ARHGAP22: variants seen among roughly 807,000 people sequenced by gnomAD.
ARHGAP22 encodes Rho GTPase activating protein 22.
A neutral mutation model predicts 59.1 loss-of-function variants in ARHGAP22; 48 were observed. The observed-to-expected ratio is 0.81, with a 90% CI of 0.64 to 1.03. ARHGAP22 has a LOEUF of 1.03. Among genes scored for constraint, ARHGAP22 ranks in the 50% least tolerant of loss-of-function variants. The pLI is 0.00. For missense variants in ARHGAP22, 1,015 were observed against 958.7 expected (o/e 1.06, Z -0.78); for synonymous variants, 445 against 416.4 (o/e 1.07, Z -0.84).
intron 3 of ARHGAP22, among the ~76,000 whole-genome samples, chr10:48,540,061 G>A (rs2055781433): frequency 6.6e-6 from 1 of 152,210 alleles, no homozygotes; most frequent in Non-Finnish European, 1.5e-5. Flanking sequence ...AGCCGTGATT[G>A]AAACTCAGAC....
intron 1 of ARHGAP22, among the ~76,000 whole-genome samples, chr10:48,640,738 T>C (rs1312981967): frequency 1.3e-5 from 2 of 152,210 alleles, no homozygotes; most frequent in Non-Finnish European, 2.9e-5. Context: ...TTTTTTAAGC[T>C]GAAAGGAATT....
At chr10:48,597,460 G>A (rs1196416001) in intron 1 of ARHGAP22, among the ~76,000 whole-genome samples, 8 of 152,190 alleles carry the variant, frequency 5.3e-5, no homozygotes, top group Non-Finnish European at 1.2e-4. Context: ...AAGATGCACA[G>A]GATTCTGAGT....
At chr10:48,469,950 G>A (rs925355525) in intron 4 of ARHGAP22, among the ~76,000 whole-genome samples, 3 of 152,172 alleles carry the variant, frequency 2.0e-5, no homozygotes, top group African/African-American at 7.2e-5. Context: ...CTTATTTGTG[G>A]TCTGGACAAA....
chr10:48,621,549 C>T (rs929276097), intron 1 of ARHGAP22, among the ~76,000 whole-genome samples: 3 of 152,174 alleles, frequency 2.0e-5, no homozygotes, highest in Admixed American at 6.5e-5. Context: ...TATTGTTTAT[C>T]CTAGTATCCT....
intron 3 of ARHGAP22, among the ~76,000 whole-genome samples, chr10:48,505,835 C>T (rs1432191247): frequency 3.9e-5 from 6 of 152,334 alleles, no homozygotes; most frequent in African/African-American, 1.2e-4. Flanking sequence ...GGAGAAGCTG[C>T]AGCCCAAGGG....
chr10:48,438,225 A>C, the ARHGAP22 span: 1 of 152,230 alleles, frequency 6.6e-6, no homozygotes, highest in African/African-American at 2.4e-5. Flanking sequence ...ACCAAACACC[A>C]TTCTGTCATT....
chr10:48,655,263 G>GC (rs1565071158), upstream of ARHGAP22, among the ~76,000 whole-genome samples: 2 of 123,966 alleles, frequency 1.6e-5, 1 homozygote, highest in East Asian at 4.8e-4. Flanking sequence ...GTGTGGGGGG[G>GC]GGGGGGGGCG....
At chr10:48,497,756 C>T (rs1029349878) in intron 3 of ARHGAP22, among the ~76,000 whole-genome samples, 7 of 152,160 alleles carry the variant, frequency 4.6e-5, no homozygotes. Context: ...AGGTGCAGCT[C>T]CTGCCACTCG....
chr10:48,627,131 C>T (rs1319845838), intron 1 of ARHGAP22, among the ~76,000 whole-genome samples: 1 of 152,230 alleles, frequency 6.6e-6, no homozygotes, highest in East Asian at 1.9e-4. Flanking sequence ...CCATGCCCCT[C>T]CCTCTTCCCT....
At chr10:48,448,864 A>C (rs929957701) in intron 9 of ARHGAP22, among the ~76,000 whole-genome samples, 1 of 152,204 alleles carries the variant, frequency 6.6e-6, no homozygotes, top group African/African-American at 2.4e-5. Context: ...TGCGAGCAGC[A>C]AAGTTTCCCG....
At chr10:48,562,042 T>A (rs933653650) in intron 2 of ARHGAP22, among the ~76,000 whole-genome samples, 14 of 152,056 alleles carry the variant, frequency 9.2e-5, no homozygotes, top group African/African-American at 2.9e-4. Context: ...TTGACCAATA[T>A]GGTGAAACCC....
At chr10:48,609,095 T>A (rs2060783741), upstream of ARHGAP22, among the ~76,000 whole-genome samples, 1 of 152,166 alleles carries the variant, frequency 6.6e-6, no homozygotes. Context: ...AGAGCTTAGA[T>A]GTCTTGTTTT....
chr10:48,471,654 A>C (rs2048237051), intron 4 of ARHGAP22, among the ~76,000 whole-genome samples: 1 of 152,182 alleles, frequency 6.6e-6, no homozygotes, highest in Non-Finnish European at 1.5e-5. Context: ...CCATGGAGTT[A>C]GCCTCCACTG....
At chr10:48,467,079 G>A (rs896236798) in intron 4 of ARHGAP22, among the ~76,000 whole-genome samples, 2 of 152,238 alleles carry the variant, frequency 1.3e-5, no homozygotes, top group African/African-American at 2.4e-5. Flanking sequence ...GGGGGTCCAG[G>A]CTCCAGGCCC....
intron 2 of ARHGAP22, among the ~76,000 whole-genome samples, chr10:48,560,848 C>A (rs4838623): frequency 6.6e-6 from 1 of 151,744 alleles, no homozygotes; most frequent in Non-Finnish European, 1.5e-5. Context: ...GGGATAAACC[C>A]CACTTTGTCA....
In ARHGAP22 at chr10:48,450,438, A is replaced by T; in HGVS notation, c.1691T>A (p.Leu564Gln). Residue 564 changes from leucine (L) to glutamine (Q), a missense_variant, in exon 9 of 10, where the codon CTG becomes CAG. Leu to Gln is a moderately radical substitution (Grantham distance 113). Coordinates refer to ENST00000249601, the MANE Select transcript of ARHGAP22 (RefSeq NM_021226.4). ...LPSSSEDPKS[L>Q]DLDHSMDEAG... ...CTCGTCCATGCTGTGGTCCAGGTCC[A>T]GGGACTTGGGGTCCTCGCTGCTGCT... 1.3e-6 allele frequency: 2 copies of T among 1,561,780 alleles called. No homozygotes were observed. Among genetic ancestry groups the T allele is most frequent in the Non-Finnish European group, 1.7e-6 (2 of 1,153,662 alleles).
rs796309017 is a variant in ARHGAP22, at chr10:48,567,689, T to C, written c.235-12139A>G. 7.2e-5 allele frequency among the ~76,000 whole-genome samples: 11 copies of C among 152,204 alleles called. No homozygotes were observed. The South Asian group carries it at 2.3e-3, about 32-fold the overall frequency. ...GTGGGATTGGGCAGGAGTGACAGCA[T>C]CCACTTCCAGGCCTGGTCCTTTAAA... is the stretch of plus-strand genomic sequence containing the variant. On this transcript the variant is annotated intron_variant, in intron 2 of 9. Coordinates refer to ENST00000249601, the MANE Select transcript of ARHGAP22 (RefSeq NM_021226.4).
intron 1 of ARHGAP22, among the ~76,000 whole-genome samples, chr10:48,597,753 C>T (rs916448221): frequency 3.3e-5 from 5 of 152,210 alleles, no homozygotes; most frequent in African/African-American, 4.8e-5. Flanking sequence ...AGGCCATTCA[C>T]CAAGAGCCTG....
chr10:48,574,527 G>A (rs1212941035), intron 2 of ARHGAP22, among the ~76,000 whole-genome samples: 1 of 152,236 alleles, frequency 6.6e-6, no homozygotes, highest in Non-Finnish European at 1.5e-5. Context: ...GGCTTGCTAA[G>A]TCAACTTGAG....
Sources: gnomAD v4.1 joint callset for allele counts (sites outside exome capture counted in the v4.1 genomes callset) on GRCh38, gnomAD v4.1.1 for gene constraint, MANE v1.5 for transcripts, NCBI Gene and HGNC (gene_info 2026-07-23, HGNC 2026-07-21) for gene names.